Variants in MLIP observed in about 807,000 individuals in gnomAD.
The protein encoded by MLIP is muscular LMNA-interacting protein.
Under a neutral mutation model 84.8 loss-of-function variants are expected in MLIP, and 79 were observed. The ratio of observed to expected loss-of-function variants is 0.93; its 90% CI spans 0.78 to 1.12. MLIP has a LOEUF of 1.12. Ranked by LOEUF, MLIP falls within the 50% of genes most tolerant of loss-of-function variation. The probability of loss-of-function intolerance (pLI) is 0.00; values close to 1 mark genes in which losing one functional copy is unlikely to be tolerated. For missense variants in MLIP, 1,257 were observed against 1,160.6 expected, an observed-to-expected ratio of 1.08 and a Z score of -1.21; for synonymous variants, 504 against 463.0, an observed-to-expected ratio of 1.09 and a Z score of -1.14.
chr6:54,106,364 G>A (rs556629189), intron 1 of MLIP, among the ~76,000 whole-genome samples: 3 of 152,196 alleles, frequency 2.0e-5, no homozygotes, highest in Admixed American at 6.5e-5. Context: ...TGGGGAATAC[G>A]TCCTTCAGCC....
In MLIP at chr6:54,124,847, T is replaced by A. The variant is rs558727168; in HGVS notation, c.627T>A (p.Pro209=). ...CTGAAATGCTTCATGGGATGGCCCCTCAGCAAAAGCATGGGCAGGTAGGTT... is the reference window on the plus strand; with the variant it reads ...CTGAAATGCTTCATGGGATGGCCCCACAGCAAAAGCATGGGCAGGTAGGTT... ...SHPEMLHGMA[P]QQKHGQLTSS... Residue 209 remains proline, a synonymous_variant, in exon 3 of 14, where the codon CCT becomes CCA. Coordinates refer to ENST00000502396, the MANE Select transcript of MLIP (RefSeq NM_001281747.2). 15 of 1,593,264 alleles carry A rather than the reference T, an allele frequency of 9.4e-6. No homozygotes were observed. The highest frequency in any genetic ancestry group is 1.3e-5 in the Non-Finnish European group (15 of 1,169,568).
rs1402595078 is a variant in MLIP, at chr6:54,137,907, C to T, written c.1838C>T (p.Pro613Leu). 6.5e-7 allele frequency: 1 copy of T among 1,536,074 alleles called. No individual in the cohort carries two copies. Among genetic ancestry groups the T allele is most frequent in the Admixed American group, 2.0e-5 (1 of 50,990 alleles). The stretch of plus-strand genomic sequence containing the variant: ...TCTTCTTCAGAGAAATGTTTCCATC[C>T]TTCCCCAGCTCTTTCAAGCCTGATA... ...TFSSSEKCFH[P>L]SPALSSLINR... Residue 613 changes from proline (P) to leucine (L), a missense_variant, in exon 4 of 14, where the codon CCT becomes CTT. Transcript: ENST00000502396.
chr6:54,262,753 T>C (rs1359537583), intron 13 of MLIP, among the ~76,000 whole-genome samples: 1 of 152,044 alleles, frequency 6.6e-6, no homozygotes, highest in African/African-American at 2.4e-5. Flanking sequence ...GAGGAGAAAG[T>C]ACTTACAATG....
At chr6:54,174,734 A>G (rs773780294) in intron 9 of MLIP, among the ~76,000 whole-genome samples, 3 of 151,856 alleles carry the variant, frequency 2.0e-5, no homozygotes, top group Non-Finnish European at 2.9e-5. Flanking sequence ...TTTGCTGGGT[A>G]GAAGCTTTTT....
chr6:54,023,486 G>A (rs904939544), intron 1 of MLIP, among the ~76,000 whole-genome samples: 1 of 152,020 alleles, frequency 6.6e-6, no homozygotes, highest in African/African-American at 2.4e-5. Flanking sequence ...CCAATGATAT[G>A]TAAATTTACT....
intron 1 of MLIP, among the ~76,000 whole-genome samples, chr6:54,100,825 A>G (rs1351199470): frequency 1.3e-5 from 2 of 152,116 alleles, no homozygotes; most frequent in South Asian, 4.1e-4. Context: ...GTTGGGCCCC[A>G]GCACACCTCC....
intron 11 of MLIP, among the ~76,000 whole-genome samples, chr6:54,206,156 T>A (rs1015488669): frequency 2.0e-5 from 3 of 152,174 alleles, no homozygotes; most frequent in Admixed American, 6.5e-5. Flanking sequence ...AATATATTGC[T>A]TGTTTTCTGA....
At chr6:54,028,586 G>A (rs1408548570) in intron 1 of MLIP, among the ~76,000 whole-genome samples, 1 of 152,134 alleles carries the variant, frequency 6.6e-6, no homozygotes, top group Non-Finnish European at 1.5e-5. Flanking sequence ...TCCCTATTTT[G>A]TTTTTCCACT....
Position 54,137,947 on chromosome 6 carries a change from A to G in MLIP, c.1878A>G (p.Arg626=). Residue 626 remains arginine (R), a synonymous_variant, in exon 4 of 14, where the codon AGA becomes AGG. Transcript: ENST00000502396. ...CAAGCCTGATAAACAGATCTAAAAGAGCATCATCCCAACTATCTGGCCAGG... is the reference window on the plus strand; with the variant it reads ...CAAGCCTGATAAACAGATCTAAAAGGGCATCATCCCAACTATCTGGCCAGG... ...ALSSLINRSK[R]ASSQLSGQEL... is the part of the protein sequence containing the mutation. 3.3e-6 allele frequency: 5 copies of G among 1,536,080 alleles called. No individual in the cohort carries two copies. The highest frequency in any genetic ancestry group is 4.4e-6 in the Non-Finnish European group (5 of 1,146,892).
chr6:54,216,868 G>C, intron 11 of MLIP: 1 of 985,298 alleles, frequency 1.0e-6, no homozygotes, highest in Non-Finnish European at 1.2e-6. Context: ...GTAACATGAG[G>C]TTTTTGTGAT....
At chr6:54,129,295 C>A (rs1771184434) in intron 3 of MLIP, among the ~76,000 whole-genome samples, 1 of 152,010 alleles carries the variant, frequency 6.6e-6, no homozygotes, top group African/African-American at 2.4e-5. Context: ...TCTGTCTTAC[C>A]CCACTAGATT....
chr6:54,254,791 C>CG (rs145535744), intron 12 of MLIP, among the ~76,000 whole-genome samples: 4,270 of 143,984 alleles, frequency 0.03, 225 homozygotes, highest in African/African-American at 0.11. Flanking sequence ...CTTCCCCCCC[C>CG]ACTTTCCTGC....
At chr6:54,081,335 G>A (rs1237651029) in intron 1 of MLIP, among the ~76,000 whole-genome samples, 1 of 152,108 alleles carries the variant, frequency 6.6e-6, no homozygotes, top group Non-Finnish European at 1.5e-5. Context: ...AGGAGTTTCA[G>A]TGCAAGAAAA....
At chr6:54,179,289 T>C (rs1776610192) in intron 9 of MLIP, among the ~76,000 whole-genome samples, 1 of 152,166 alleles carries the variant, frequency 6.6e-6, no homozygotes, top group Non-Finnish European at 1.5e-5. Context: ...TCTGTGAGTA[T>C]GTTTATAGGC....
rs543832644 is a variant in MLIP at position 54,093,156 on chromosome 6, TATAA to T, written c.64-28290_64-28287del. ...CGTCCCAAAGTGCTGGGATTCTAGG[TATAA>T]GCCACCATGCCCAGCCCGAGTTATT... On this transcript the variant is annotated intron_variant, in intron 1 of 12. Transcript: ENST00000274897. Among the ~76,000 whole-genome samples the T allele has an allele frequency of 1.6e-3, 237 of 152,090 alleles. 3 individuals are homozygous for T. The highest frequency in any genetic ancestry group is 5.4e-3 in the African/African-American group (225 of 41,496).
At chr6:54,149,242 A>G in intron 5 of MLIP, 115 bp downstream of exon 5, 1 of 892,816 alleles carries the variant, frequency 1.1e-6, no homozygotes, top group South Asian at 1.6e-5. Flanking sequence ...TACTAAAATA[A>G]CATTCCATTC....
chr6:54,049,778 ATG>A, intron 1 of MLIP, among the ~76,000 whole-genome samples: 1 of 152,298 alleles, frequency 6.6e-6, no homozygotes, highest in East Asian at 1.9e-4. Flanking sequence ...TAATAATCTA[ATG>A]TAAATTGTGT....
chr6:54,098,362 T>C (rs1358697395), intron 1 of MLIP, among the ~76,000 whole-genome samples: 1 of 149,512 alleles, frequency 6.7e-6, no homozygotes, highest in Non-Finnish European at 1.5e-5. Context: ...AGACAGGGTT[T>C]CACTCTGTTG....
At chr6:54,226,953 C>G (rs149030759) in intron 11 of MLIP, among the ~76,000 whole-genome samples, 101 of 152,204 alleles carry the variant, frequency 6.6e-4, no homozygotes, top group African/African-American at 2.1e-3. Context: ...GAGAATGATA[C>G]GGTTTGGCCC....
Sources: allele counts gnomAD v4.1 joint callset (sites outside exome capture counted in the v4.1 genomes callset), GRCh38; gene constraint gnomAD v4.1.1; transcripts MANE v1.5; gene names NCBI Gene and HGNC (gene_info 2026-07-23, HGNC 2026-07-21).